Variants in CACNG6 observed in about 807,000 individuals in gnomAD.
CACNG6 encodes the protein voltage-dependent calcium channel gamma-6 subunit.
CACNG6 carries 21 observed loss-of-function variants against 23.9 expected under a neutral mutation model. The observed-to-expected ratio is 0.88, with a 90% confidence interval of 0.62 to 1.26. The LOEUF (loss-of-function observed/expected upper bound fraction) is 1.26. CACNG6 is among the 50% of genes most tolerant of loss of function. The pLI, the probability that CACNG6 is intolerant of heterozygous loss-of-function variation, is 0.00. For missense variants in CACNG6, 340 were observed against 352.9 expected (o/e 0.96, Z 0.29); for synonymous variants, 182 against 168.9 (o/e 1.08, Z -0.60).
At chr19:54,005,087 T>C (rs2069625822) in intron 3 of CACNG6, among the ~76,000 whole-genome samples, 1 of 151,246 alleles carries the variant, frequency 6.6e-6, no homozygotes, top group African/African-American at 2.4e-5. Context: ...CGGGCGCCTG[T>C]AATCCCAGCT....
chr19:53,994,316 C>T (rs1178025224), intron 1 of CACNG6, among the ~76,000 whole-genome samples: 1 of 152,166 alleles, frequency 6.6e-6, no homozygotes, highest in Non-Finnish European at 1.5e-5. Context: ...GTCCTCTCGC[C>T]TCCAAATGCC....
chr19:53,994,465 G>A (rs1423035779), intron 1 of CACNG6, among the ~76,000 whole-genome samples: 1 of 152,104 alleles, frequency 6.6e-6, no homozygotes, highest in African/African-American at 2.4e-5. Context: ...GCCACGGCTT[G>A]TGCTTATACC....
intron 1 of CACNG6, among the ~76,000 whole-genome samples, chr19:53,996,121 G>A (rs945369961): frequency 6.6e-6 from 1 of 152,260 alleles, no homozygotes; most frequent in East Asian, 1.9e-4. Context: ...TCATATCCTT[G>A]TTCAAATTGA....
At chr19:54,004,795 T>C (rs1327202255) in intron 3 of CACNG6, among the ~76,000 whole-genome samples, 3 of 152,116 alleles carry the variant, frequency 2.0e-5, no homozygotes, top group Non-Finnish European at 4.4e-5. Context: ...ACGTGTCTCG[T>C]TTCCTCGCAT....
In CACNG6 at chr19:53,992,669, C is replaced by G. The variant is rs968773498; in HGVS notation, c.-209C>G. The G allele has an allele frequency of 8.1e-6, 3 of 369,972 alleles. No individual in the cohort carries two copies. In the South Asian group the frequency reaches 4.2e-4, roughly 52 times the overall value. The allele number at this position is 369,972 out of a possible 1,614,324, so 22.9% of individuals were successfully genotyped here. On this transcript the variant is annotated 5_prime_UTR_variant, in exon 1 of 4. Coordinates refer to ENST00000252729, the MANE Select transcript of CACNG6 (RefSeq NM_145814.2). This position sits in a 1 kb window ranked among gnomAD's most constrained non-coding sequence, Gnocchi z 4.1. ...CTGAACCCCAGAGGCTTCCCCAGCC[C>G]TGGGGATCATTTTTCTCTTCTGAAC...
At chr19:53,991,608 G>T (rs1281313489), upstream of CACNG6, among the ~76,000 whole-genome samples, 1 of 139,240 alleles carries the variant, frequency 7.2e-6, no homozygotes, top group East Asian at 2.6e-4. Context: ...GTGGGCGGGT[G>T]GGGACGAGGC....
chr19:54,000,885 C>T (rs2069568436), intron 3 of CACNG6, among the ~76,000 whole-genome samples: 1 of 152,214 alleles, frequency 6.6e-6, no homozygotes, highest in Admixed American at 6.6e-5. Context: ...CAGCTTCCCC[C>T]ATTTTATAAA....
rs1464722443 is a variant in CACNG6 at position 53,992,907 on chromosome 19, G to C, written c.30G>C (p.Glu10Asp). 4.3e-6 allele frequency: 6 copies of C among 1,407,324 alleles called. No individual in the cohort carries two copies. Among genetic ancestry groups the C allele is most frequent in the Non-Finnish European group, 5.5e-6 (6 of 1,083,088 alleles). 87.2% of individuals were successfully genotyped at this position (1,407,324 alleles called of 1,614,324 possible). Residue 10 changes from glutamate to aspartate, a missense_variant, in exon 1 of 4, where the codon GAG (glutamate) becomes GAC (aspartate). By Grantham distance (45) the Glu-to-Asp change is conservative. Coordinates refer to ENST00000252729, the MANE Select transcript of CACNG6 (RefSeq NM_145814.2). The surrounding 1 kb of genome is among the most constrained non-coding windows in gnomAD (Gnocchi z 4.1). ...TGTGGTCCAACTTCTTCCTGCAAGA[G>C]GAGAACCGGCGGCGGGGGGCCGCGG... MMWSNFFLQ[E>D]ENRRRGAAGR...
At chr19:54,002,053 C>T (rs1289082697) in intron 3 of CACNG6, among the ~76,000 whole-genome samples, 1 of 151,720 alleles carries the variant, frequency 6.6e-6, no homozygotes, top group African/African-American at 2.4e-5. Flanking sequence ...CTTCCTTCCC[C>T]TCTCTCTCTT....
chr19:54,010,040 CTTT>C (rs34229634), intron 3 of CACNG6, among the ~76,000 whole-genome samples: 8 of 125,328 alleles, frequency 6.4e-5, no homozygotes, highest in Admixed American at 2.6e-4. Context: ...TCTTTTCTTT[CTTT>C]TTTTTTTTTT....
chr19:54,001,375 G>A (rs376856591), intron 3 of CACNG6, among the ~76,000 whole-genome samples: 2 of 152,110 alleles, frequency 1.3e-5, no homozygotes, highest in East Asian at 3.9e-4. Flanking sequence ...TTTTAGTAGA[G>A]ACAGGGTTTC....
At position 53,993,176 on chromosome 19, in the gene CACNG6, G is replaced by A. The variant is rs2069483804; in HGVS notation, c.299G>A (p.Arg100Lys). ...RLWQADVPVDRDTCGPAELPG... is the reference protein window; with the variant it reads ...RLWQADVPVDKDTCGPAELPG... Reference sequence around the variant, plus strand: ...TGGCAGGCGGACGTGCCCGTGGACAGGGACACCTGCGGCCCCGCGGAGCTG... The same window carrying A: ...TGGCAGGCGGACGTGCCCGTGGACAAGGACACCTGCGGCCCCGCGGAGCTG... The change falls in exon 1 of 4, where the codon AGG becomes AAG. Residue 100 changes from arginine to lysine, a missense_variant. Physicochemically the swap from Arg to Lys is conservative, Grantham distance 26. Coordinates refer to ENST00000252729, the MANE Select transcript of CACNG6 (RefSeq NM_145814.2). The A allele has an allele frequency of 2.6e-6, 4 of 1,543,440 alleles. No homozygotes were observed. The highest frequency in any genetic ancestry group is 3.5e-6 in the Non-Finnish European group (4 of 1,145,996).
At chr19:54,008,468 A>G (rs557541414) in intron 3 of CACNG6, among the ~76,000 whole-genome samples, 2 of 152,300 alleles carry the variant, frequency 1.3e-5, no homozygotes, top group South Asian at 2.1e-4. Context: ...CAGGGTCTGG[A>G]GAGAAGGCGG....
In CACNG6 at chr19:54,012,092, T is replaced by C; in HGVS notation, c.686T>C (p.Leu229Pro). 1 of 1,578,924 alleles carries C rather than the reference T, an allele frequency of 6.3e-7. No homozygotes were observed. The highest frequency in any genetic ancestry group is 1.2e-5 in the South Asian group (1 of 86,804). Residue 229 changes from leucine to proline, a missense_variant, in exon 4 of 4, where the codon CTG (leucine) becomes CCG (proline). Physicochemically the swap from Leu to Pro is moderately conservative, Grantham distance 98. Coordinates refer to ENST00000252729, the MANE Select transcript of CACNG6 (RefSeq NM_145814.2). ...CTGGGCTGCGGCGTGGGGGCCGGCCTGATCCTGCTGTTGGGGGCCGGCTGC... is the reference window on the plus strand; with the variant it reads ...CTGGGCTGCGGCGTGGGGGCCGGCCCGATCCTGCTGTTGGGGGCCGGCTGC... ...WSLGCGVGAG[L>P]ILLLGAGCFL...
intron 3 of CACNG6, among the ~76,000 whole-genome samples, chr19:54,006,517 C>CTTTCTTTTTTTTTT (rs2069646652): frequency 1.8e-4 from 19 of 107,328 alleles, no homozygotes; most frequent in African/African-American, 7.1e-4. Flanking sequence ...TTCCTTCTTT[C>CTTTCTTTTTTTTTT]TTTTCTTTTT....
chr19:54,009,277 C>G (rs1304824299), intron 3 of CACNG6, among the ~76,000 whole-genome samples: 1 of 151,966 alleles, frequency 6.6e-6, no homozygotes, highest in African/African-American at 2.4e-5. Flanking sequence ...AAAAATTAGC[C>G]AGGCGTGGTG....
chr19:54,009,519 A>G (rs1055892489), intron 3 of CACNG6, among the ~76,000 whole-genome samples: 1 of 151,644 alleles, frequency 6.6e-6, no homozygotes, highest in African/African-American at 2.4e-5. Context: ...CAGGAGGCTG[A>G]GCATGAGAAT....
At chr19:53,995,585 G>T (rs756431312) in intron 1 of CACNG6, among the ~76,000 whole-genome samples, 5 of 152,226 alleles carry the variant, frequency 3.3e-5, no homozygotes, top group Non-Finnish European at 5.9e-5. Context: ...CACTTCCCTT[G>T]TGGATGTAGA....
chr19:54,003,294 G>C (rs2069599080), intron 3 of CACNG6, among the ~76,000 whole-genome samples: 1 of 152,162 alleles, frequency 6.6e-6, no homozygotes, highest in African/African-American at 2.4e-5. Context: ...GCGAGAGTGT[G>C]GGAGGAGCAG....
Sources: allele counts gnomAD v4.1 joint callset (sites outside exome capture counted in the v4.1 genomes callset), GRCh38; gene constraint gnomAD v4.1.1; non-coding constraint Gnocchi (gnomAD v3.1); transcripts MANE v1.5; gene names NCBI Gene and HGNC (gene_info 2026-07-23, HGNC 2026-07-21).